The following PTPRT variants were observed in gnomAD, a reference collection of about 807,000 sequenced individuals.
PTPRT encodes receptor-type tyrosine-protein phosphatase T.
A neutral mutation model predicts 176.8 loss-of-function variants in PTPRT; 56 were observed. The observed-to-expected ratio is 0.32, with a 90% CI of 0.26 to 0.40. The LOEUF is 0.40. Among genes scored for constraint, PTPRT ranks in the 10% least tolerant of loss-of-function variants. The probability of loss-of-function intolerance (pLI) is 1.00; values close to 1 mark genes in which losing one functional copy is unlikely to be tolerated. For synonymous variants in PTPRT, 783 were observed against 739.0 expected (o/e 1.06, Z -0.96); for missense variants, 1,540 against 1,908.2 (o/e 0.81, Z 3.60).
intron 1 of PTPRT, among the ~76,000 whole-genome samples, chr20:43,110,954 A>G (rs534999429): frequency 6.6e-6 from 1 of 152,326 alleles, no homozygotes; most frequent in Admixed American, 6.5e-5. Flanking sequence ...AATGAGGTCC[A>G]ATGTGGGTGG....
intron 9 of PTPRT, among the ~76,000 whole-genome samples, chr20:42,410,283 G>A: frequency 6.6e-6 from 1 of 151,814 alleles, no homozygotes; most frequent in Non-Finnish European, 1.5e-5. Context: ...TGAATTTGTT[G>A]GAAATCAAAC....
chr20:42,196,711 A>G (rs1991230559), intron 16 of PTPRT, among the ~76,000 whole-genome samples: 1 of 152,200 alleles, frequency 6.6e-6, no homozygotes, highest in South Asian at 2.1e-4. Context: ...CCCTGCTTCT[A>G]GGAAATGTAT....
chr20:43,129,005 C>G (rs192217507), intron 1 of PTPRT, among the ~76,000 whole-genome samples: 1 of 152,346 alleles, frequency 6.6e-6, no homozygotes, highest in East Asian at 1.9e-4. Flanking sequence ...TTCTATCCAT[C>G]TGGCCTACAA....
intron 19 of PTPRT, among the ~76,000 whole-genome samples, chr20:42,122,000 C>T (rs1019528624): frequency 6.6e-6 from 1 of 152,050 alleles, no homozygotes; most frequent in Non-Finnish European, 1.5e-5. Context: ...GAATCGTAGA[C>T]ATTGGTGACT....
intron 14 of PTPRT, among the ~76,000 whole-genome samples, chr20:42,237,855 C>T (rs192198173): frequency 6.6e-6 from 1 of 152,182 alleles, no homozygotes; most frequent in Non-Finnish European, 1.5e-5. Context: ...CTCCAAATAT[C>T]CATCTGAGTA....
chr20:43,188,434 T>C (rs6073012), intron 1 of PTPRT, among the ~76,000 whole-genome samples: 29,101 of 152,192 alleles, frequency 0.19, 3,562 homozygotes, highest in Middle Eastern at 0.31. Context: ...CAACGGAATG[T>C]CCTTCCAGCG....
At chr20:42,210,388 T>C (rs1234500959) in intron 15 of PTPRT, among the ~76,000 whole-genome samples, 1 of 151,870 alleles carries the variant, frequency 6.6e-6, no homozygotes, top group African/African-American at 2.4e-5. Flanking sequence ...TGATTGTATA[T>C]CTAGAAAACC....
At chr20:42,920,354 T>C (rs980833602) in intron 1 of PTPRT, among the ~76,000 whole-genome samples, 12 of 151,974 alleles carry the variant, frequency 7.9e-5, no homozygotes, top group African/African-American at 2.9e-4. Context: ...AAAACTGTAG[T>C]ATCAAAAAGC....
Position 42,657,082 on chromosome 20 carries a change from T to C in PTPRT, c.1153+20784A>G, listed in dbSNP as rs1374044772. Among the ~76,000 whole-genome samples, 4 of 152,232 alleles carry C rather than the reference T, an allele frequency of 2.6e-5. No individual in the cohort carries two copies. The East Asian group carries it at 5.8e-4, about 22-fold the overall frequency. ...CCCATCCTGTTCTTGTGATGGTGAG[T>C]GATTTCTCATGAGATCTGATGGTTT... On this transcript the variant is annotated intron_variant, in intron 7 of 30. Transcript: ENST00000373187.
Position 42,901,502 on chromosome 20 carries a change from A to C in PTPRT, c.89-15570T>G, listed in dbSNP as rs547225164. On this transcript the variant is annotated intron_variant, in intron 1 of 30. Coordinates refer to ENST00000373187, the MANE Select transcript of PTPRT (RefSeq NM_007050.6). ...AATTTCTACACTTAGATACTCAATGACATATACTTAACACCCGCAATCCCA... is the reference window on the plus strand; with the variant it reads ...AATTTCTACACTTAGATACTCAATGCCATATACTTAACACCCGCAATCCCA... Among the ~76,000 whole-genome samples the C allele has an allele frequency of 8.5e-5, 13 of 152,258 alleles. No individual in the cohort carries two copies. In the East Asian group the frequency reaches 2.5e-3, roughly 29 times the overall value.
At chr20:43,174,321 A>C (rs547414404) in intron 1 of PTPRT, among the ~76,000 whole-genome samples, 3 of 152,216 alleles carry the variant, frequency 2.0e-5, no homozygotes, top group Non-Finnish European at 4.4e-5. Context: ...TTATACCTAC[A>C]TCATAACAGT....
chr20:42,560,265 G>A (rs1187686311), intron 7 of PTPRT, among the ~76,000 whole-genome samples: 2 of 152,068 alleles, frequency 1.3e-5, no homozygotes, highest in Non-Finnish European at 2.9e-5. Flanking sequence ...GTACAGGCAT[G>A]GGATTGGAGA....
At chr20:42,902,159 G>T (rs549666848) in intron 1 of PTPRT, among the ~76,000 whole-genome samples, 13 of 152,278 alleles carry the variant, frequency 8.5e-5, no homozygotes, top group African/African-American at 2.9e-4. Flanking sequence ...GGAACATCTG[G>T]CTTTCTAAAA....
At chr20:42,118,760 T>C (rs1987424763) in intron 20 of PTPRT, among the ~76,000 whole-genome samples, 1 of 152,020 alleles carries the variant, frequency 6.6e-6, no homozygotes, top group Admixed American at 6.6e-5. Flanking sequence ...CAGCCTCTCC[T>C]CTCCCTTCTG....
intron 23 of PTPRT, among the ~76,000 whole-genome samples, chr20:42,109,936 G>C (rs1011451808): frequency 1.3e-5 from 2 of 152,106 alleles, no homozygotes; most frequent in East Asian, 1.9e-4. Flanking sequence ...CACTGGGCAT[G>C]GGGGGGACAC....
intron 1 of PTPRT, among the ~76,000 whole-genome samples, chr20:43,169,069 G>A (rs1011180547): frequency 7.2e-5 from 11 of 152,160 alleles, no homozygotes; most frequent in South Asian, 4.1e-4. Context: ...TAAAAAGCAG[G>A]TTTCAGGCCT....
chr20:42,176,949 A>T (rs532086315), intron 16 of PTPRT, among the ~76,000 whole-genome samples: 65 of 152,342 alleles, frequency 4.3e-4, no homozygotes, highest in Non-Finnish European at 7.8e-4. Context: ...GAGTTTGTGG[A>T]TATTATGAAC....
intron 7 of PTPRT, among the ~76,000 whole-genome samples, chr20:42,628,449 T>A (rs966974133): frequency 5.3e-5 from 8 of 152,280 alleles, no homozygotes; most frequent in African/African-American, 1.7e-4. Context: ...TCCCATAAAC[T>A]GGCAAATCAT....
intron 1 of PTPRT, among the ~76,000 whole-genome samples, chr20:42,999,632 T>G (rs6030597): frequency 0.11 from 15,966 of 151,136 alleles, 955 homozygotes; most frequent in African/African-American, 0.17. Flanking sequence ...TTGTTGTTGT[T>G]GTGGTGGTTG....
Sources: allele counts gnomAD v4.1 joint callset (sites outside exome capture counted in the v4.1 genomes callset), GRCh38; gene constraint gnomAD v4.1.1; transcripts MANE v1.5; gene names NCBI Gene and HGNC (gene_info 2026-07-23, HGNC 2026-07-21).